CCDC50: variants seen among roughly 807,000 people sequenced by gnomAD.
The protein encoded by CCDC50 is coiled-coil domain containing 50.
Under a neutral mutation model 70.2 loss-of-function variants are expected in CCDC50, and 54 were observed. That is an observed-to-expected ratio of 0.77 (90% CI 0.62 to 0.96). The LOEUF is 0.96. Ranked by LOEUF, CCDC50 falls within the 50% of genes least tolerant of loss-of-function variation. The probability of loss-of-function intolerance (pLI) is 0.00; values close to 1 mark genes in which losing one functional copy is unlikely to be tolerated. For synonymous variants in CCDC50, 216 were observed against 198.8 expected (o/e 1.09, Z -0.73); for missense variants, 558 against 578.7 (o/e 0.96, Z 0.37).
At chr3:191,378,869 A>G (rs1015708172) in intron 6 of CCDC50, among the ~76,000 whole-genome samples, 2 of 152,042 alleles carry the variant, frequency 1.3e-5, no homozygotes, top group Non-Finnish European at 2.9e-5. Context: ...ATTAGGTCTG[A>G]AGCTAAGAAA....
intron 6 of CCDC50, among the ~76,000 whole-genome samples, 168 bp from the exon 7 acceptor site, chr3:191,379,991 T>C (rs985652922): frequency 3.9e-5 from 6 of 152,114 alleles, no homozygotes; most frequent in African/African-American, 1.4e-4. Context: ...GCCACTTCCA[T>C]TCCTAGGGCA....
intron 1 of CCDC50, among the ~76,000 whole-genome samples, chr3:191,340,209 T>G (rs907068585): frequency 6.6e-6 from 1 of 152,232 alleles, no homozygotes; most frequent in Non-Finnish European, 1.5e-5. Context: ...TCAAAGTTCA[T>G]TCACTTGACA....
In CCDC50 at chr3:191,332,403, A is replaced by G. The variant is rs1413654382; in HGVS notation, c.49+2680A>G. On this transcript the variant is annotated intron_variant, in intron 1 of 11. Transcript: ENST00000392455. The stretch of plus-strand genomic sequence containing the variant: ...ATATGTAGGTGAAAAGAATCAAGTC[A>G]ACTAAGTGTCAACACATCATTTTTT... Among the ~76,000 whole-genome samples the G allele has an allele frequency of 3.3e-5, 5 of 152,346 alleles. No homozygotes were observed. In the South Asian group the frequency reaches 6.2e-4, roughly 19 times the overall value.
In CCDC50 at chr3:191,357,068, T is replaced by C; in HGVS notation, c.50-20T>C. On this transcript the variant is annotated intron_variant, in intron 1 of 11. Coordinates refer to ENST00000392455, the MANE Select transcript of CCDC50 (RefSeq NM_178335.3). ...ATTACTAATGAGCCTTCCTGTCTGT[T>C]TTTCCTCCATCTACTCTAGTATGCC... is the stretch of plus-strand genomic sequence containing the variant. The C allele has an allele frequency of 6.4e-7, 1 of 1,563,176 alleles. No homozygotes were observed. The highest frequency in any genetic ancestry group is 8.8e-7 in the Non-Finnish European group (1 of 1,135,142).
intron 4 of CCDC50, among the ~76,000 whole-genome samples, chr3:191,368,612 T>C (rs754769150): frequency 1.4e-5 from 2 of 138,478 alleles, no homozygotes; most frequent in Non-Finnish European, 3.0e-5. Context: ...TATATTGCCA[T>C]CTGAGGGTAT....
intron 4 of CCDC50, among the ~76,000 whole-genome samples, chr3:191,367,166 A>G (rs902107638): frequency 3.9e-5 from 6 of 152,086 alleles, no homozygotes; most frequent in Non-Finnish European, 7.4e-5. Flanking sequence ...GGTGCATGAC[A>G]TGTTATGATT....
chr3:191,349,966 A>AACCC (rs1712048855), intron 1 of CCDC50, among the ~76,000 whole-genome samples: 3 of 105,618 alleles, frequency 2.8e-5, no homozygotes, highest in South Asian at 3.3e-4. Flanking sequence ...ATTTAATAAT[A>AACCC]CCCCCCCCCT....
Position 191,392,017 on chromosome 3 carries a change from T to C in CCDC50, c.*257T>C, listed in dbSNP as rs1170390646. On this transcript the variant is annotated 3_prime_UTR_variant, in exon 12 of 12. Coordinates refer to ENST00000392455, the MANE Select transcript of CCDC50 (RefSeq NM_178335.3). The stretch of plus-strand genomic sequence containing the variant: ...CATATACTTCTTGGGATATAGTATC[T>C]AAGACCTTTGTAAACTGCCATTTTG... The C allele has an allele frequency of 6.5e-6, 3 of 458,024 alleles. No individual in the cohort carries two copies. 28.4% of individuals were successfully genotyped at this position (458,024 alleles called of 1,614,324 possible). A position where few individuals can be genotyped will look rare whatever the true frequency, so the allele number is the denominator to read the frequency against.
chr3:191,351,789 C>G (rs992373215), intron 1 of CCDC50, among the ~76,000 whole-genome samples: 1 of 140,832 alleles, frequency 7.1e-6, no homozygotes, highest in Admixed American at 7.3e-5. Flanking sequence ...GAACCAATTC[C>G]TTATGAGGGT....
chr3:191,337,097 A>AG (rs1172131469), intron 1 of CCDC50, among the ~76,000 whole-genome samples: 1 of 152,200 alleles, frequency 6.6e-6, no homozygotes, highest in Non-Finnish European at 1.5e-5. Context: ...CTGTAGAGGC[A>AG]GAGATGAGTA....
intron 11 of CCDC50, among the ~76,000 whole-genome samples, chr3:191,390,998 A>G (rs114272258): frequency 1.3e-5 from 2 of 152,374 alleles, no homozygotes; most frequent in Non-Finnish European, 2.9e-5. Context: ...AGTTTCTCAT[A>G]TTAACTTCCT....
intron 6 of CCDC50, among the ~76,000 whole-genome samples, chr3:191,377,566 A>G (rs1171282360): frequency 6.6e-6 from 1 of 152,176 alleles, no homozygotes; most frequent in African/African-American, 2.4e-5. Flanking sequence ...GGGCCATAAA[A>G]TATCTGCACT....
chr3:191,392,607 G>A lies in CCDC50; in HGVS notation c.*847G>A, dbSNP rs546413852. ...GGCTGTAGACTGAGGCTTTTCTCTT[G>A]CTTCAAGTCAGAGCAGTATTTGTTG... On this transcript the variant is annotated 3_prime_UTR_variant, in exon 12 of 12. Transcript: ENST00000392455. 6.6e-6 allele frequency: 1 copy of A among 152,162 alleles called. No individual in the cohort carries two copies. The highest frequency in any genetic ancestry group is 1.5e-5 in the Non-Finnish European group (1 of 68,034). The allele number at this position is 152,162 out of a possible 1,614,324, so 9.4% of individuals were successfully genotyped here.
At chr3:191,330,554 G>C (rs1717945865) in intron 1 of CCDC50, 1 of 152,014 alleles carries the variant, frequency 6.6e-6, no homozygotes, top group African/African-American at 2.4e-5. Context: ...TTTATTCTTT[G>C]GTCCTAGGAA....
intron 1 of CCDC50, among the ~76,000 whole-genome samples, chr3:191,332,583 T>C (rs1294385171): frequency 6.6e-6 from 1 of 152,228 alleles, no homozygotes; most frequent in Non-Finnish European, 1.5e-5. Flanking sequence ...GGTCTATAAC[T>C]GAAATGCAAA....
At chr3:191,360,778 G>A (rs1712459347) in intron 3 of CCDC50, among the ~76,000 whole-genome samples, 1 of 152,150 alleles carries the variant, frequency 6.6e-6, no homozygotes, top group Non-Finnish European at 1.5e-5. Context: ...TGAAGTGATA[G>A]GTGGTATAGA....
chr3:191,346,169 A>G (rs1711916834), intron 1 of CCDC50, among the ~76,000 whole-genome samples: 1 of 152,196 alleles, frequency 6.6e-6, no homozygotes, highest in Admixed American at 6.5e-5. Context: ...TAAATCAATA[A>G]AATTGCTACT....
At position 191,393,800 on chromosome 3, in the gene CCDC50, T is replaced by C. The variant is rs1260084377; in HGVS notation, c.*2040T>C. The C allele has an allele frequency of 2.0e-5, 3 of 152,220 alleles. No homozygotes were observed. Among genetic ancestry groups the C allele is most frequent in the African/African-American group, 7.2e-5 (3 of 41,464 alleles). 9.4% of individuals were successfully genotyped at this position (152,220 alleles called of 1,614,324 possible). A position where few individuals can be genotyped will look rare whatever the true frequency, so the allele number is the denominator to read the frequency against. On this transcript the variant is annotated 3_prime_UTR_variant, in exon 12 of 12. Transcript: ENST00000392455. Reference sequence around the variant, plus strand: ...CTTAGGCCTTGTTTACTTATAGTAATGCTATATTTTTCTTTATCTGCCCTG... The same window carrying C: ...CTTAGGCCTTGTTTACTTATAGTAACGCTATATTTTTCTTTATCTGCCCTG...
intron 4 of CCDC50, among the ~76,000 whole-genome samples, chr3:191,361,792 ACACT>A: frequency 6.6e-6 from 1 of 152,196 alleles, no homozygotes; most frequent in Non-Finnish European, 1.5e-5. Context: ...TAGAGAGGGC[ACACT>A]ATTCAGCTTA....
Sources: allele counts gnomAD v4.1 joint callset (sites outside exome capture counted in the v4.1 genomes callset), GRCh38; gene constraint gnomAD v4.1.1; transcripts MANE v1.5; gene names NCBI Gene and HGNC (gene_info 2026-07-23, HGNC 2026-07-21).